Variants in ZNG1F observed in about 807,000 individuals in gnomAD.
The protein encoded by ZNG1F is Zn regulated GTPase metalloprotein activator 1F, also known as zinc-regulated GTPase metalloprotein activator 1F.
chr9:41,152,265 A>C, the ZNG1F span, among the ~76,000 whole-genome samples: 1 of 144,760 alleles, frequency 6.9e-6, no homozygotes, highest in Non-Finnish European at 1.5e-5. Context: ...AGGCCATTAC[A>C]TAATGGTAAA....
chr9:41,173,842 C>T, the ZNG1F span, among the ~76,000 whole-genome samples: 3 of 146,488 alleles, frequency 2.0e-5, no homozygotes, highest in Non-Finnish European at 4.5e-5. Context: ...CATCATTAAA[C>T]TAAAGTGTGA....
At chr9:41,148,724 A>C in the ZNG1F span, among the ~76,000 whole-genome samples, 1 of 144,354 alleles carries the variant, frequency 6.9e-6, no homozygotes, top group Non-Finnish European at 1.5e-5. Flanking sequence ...TTTTTTTACA[A>C]ACTACATGCA....
chr9:41,134,147 A>G, the ZNG1F span: 3 of 187,314 alleles, frequency 1.6e-5, no homozygotes, highest in African/African-American at 7.3e-5. Flanking sequence ...TACTCTTCAC[A>G]ACAATCCTGG....
the ZNG1F span, among the ~76,000 whole-genome samples, chr9:41,185,665 C>T: frequency 6.6e-6 from 1 of 151,958 alleles, no homozygotes; most frequent in Admixed American, 6.6e-5. Flanking sequence ...GAGAGAGACT[C>T]CATCTCAAAA....
At chr9:41,201,212 T>G in the ZNG1F span, among the ~76,000 whole-genome samples, 2 of 147,604 alleles carry the variant, frequency 1.4e-5, no homozygotes, top group Non-Finnish European at 3.0e-5. Flanking sequence ...AAAAACATGC[T>G]TGTATGTGCA....
the ZNG1F span, among the ~76,000 whole-genome samples, chr9:41,146,564 G>A: frequency 2.0e-4 from 4 of 20,456 alleles, no homozygotes; most frequent in East Asian, 1.1e-3. Context: ...CTCATGAATC[G>A]GAAATCATCT....
the ZNG1F span, among the ~76,000 whole-genome samples, chr9:41,150,318 T>C: frequency 1.3e-5 from 2 of 150,646 alleles, no homozygotes; most frequent in African/African-American, 4.9e-5. Flanking sequence ...GCTCGGAGGG[T>C]CCCACGCCCA....
chr9:41,158,509 CTG>C, the ZNG1F span: 1 of 86,698 alleles, frequency 1.2e-5, no homozygotes, highest in Non-Finnish European at 2.2e-5. Context: ...TCTAAATAAA[CTG>C]TTTCACTGTG....
chr9:41,183,896 G>A, the ZNG1F span, among the ~76,000 whole-genome samples: 20 of 147,780 alleles, frequency 1.4e-4, no homozygotes, highest in African/African-American at 4.2e-4. Flanking sequence ...ATCCTAAACT[G>A]ATAAACATAC....
the ZNG1F span, among the ~76,000 whole-genome samples, chr9:41,156,063 G>A: frequency 5.0e-5 from 6 of 120,960 alleles, no homozygotes; most frequent in Non-Finnish European, 1.0e-4. Flanking sequence ...GTGTGAAAAC[G>A]CTAAGCTAAA....
At chr9:41,175,080 T>A in the ZNG1F span, among the ~76,000 whole-genome samples, 2 of 144,304 alleles carry the variant, frequency 1.4e-5, no homozygotes, top group African/African-American at 2.6e-5. Context: ...ACAGGCCCAG[T>A]TAGTGACAGG....
chr9:41,200,776 G>A, the ZNG1F span, among the ~76,000 whole-genome samples: 1 of 152,212 alleles, frequency 6.6e-6, no homozygotes, highest in Admixed American at 6.6e-5. Flanking sequence ...CATCTCACAT[G>A]GAACCAGACA....
the ZNG1F span, among the ~76,000 whole-genome samples, chr9:41,166,419 A>AAAT: frequency 1.7e-5 from 1 of 57,998 alleles, no homozygotes; most frequent in Non-Finnish European, 3.7e-5. Context: ...CTGTCTCAAA[A>AAAT]AATAATAATA....
chr9:41,154,828 C>A, the ZNG1F span, among the ~76,000 whole-genome samples: 1 of 149,910 alleles, frequency 6.7e-6, no homozygotes, highest in African/African-American at 2.5e-5. Flanking sequence ...TGGATCCCTT[C>A]CTTACACCTT....
the ZNG1F span, among the ~76,000 whole-genome samples, chr9:41,154,835 C>A: frequency 6.7e-6 from 1 of 149,852 alleles, no homozygotes; most frequent in Non-Finnish European, 1.5e-5. Context: ...CTTCCTTACA[C>A]CTTATACAAA....
At chr9:41,195,734 G>GA in the ZNG1F span, among the ~76,000 whole-genome samples, 13 of 68,754 alleles carry the variant, frequency 1.9e-4, no homozygotes, top group South Asian at 6.4e-4. Context: ...TGGGCAAAAT[G>GA]AAAAAAAATG....
the ZNG1F span, among the ~76,000 whole-genome samples, chr9:41,193,602 AC>A: frequency 6.7e-6 from 1 of 148,208 alleles, no homozygotes; most frequent in Non-Finnish European, 1.5e-5. Flanking sequence ...CAGATTACTT[AC>A]AAAAAAGCAA....
the ZNG1F span, among the ~76,000 whole-genome samples, chr9:41,201,146 A>G: frequency 6.9e-6 from 1 of 144,042 alleles, no homozygotes; most frequent in African/African-American, 2.5e-5. Context: ...ATATAAGGTG[A>G]AAGAAGCAAT....
At chr9:41,152,300 A>C in the ZNG1F span, among the ~76,000 whole-genome samples, 3 of 148,502 alleles carry the variant, frequency 2.0e-5, no homozygotes, top group Admixed American at 1.4e-4. Context: ...AAGAAGAGCT[A>C]ACTATCCTAA....
Sources: gnomAD v4.1 joint callset for allele counts (sites outside exome capture counted in the v4.1 genomes callset) on GRCh38, gnomAD v4.1.1 for gene constraint, MANE v1.5 for transcripts, NCBI Gene and HGNC (gene_info 2026-07-23, HGNC 2026-07-21) for gene names.